ZSCAN18: variants seen among roughly 807,000 people sequenced by gnomAD.
ZSCAN18 encodes zinc finger and SCAN domain containing 18, also known as zinc finger and SCAN domain-containing protein 18.
A neutral mutation model predicts 31.1 loss-of-function variants in ZSCAN18; 16 were observed. That is an observed-to-expected ratio of 0.51 (90% CI 0.35 to 0.78). The LOEUF is 0.78. Ranked by LOEUF, ZSCAN18 falls within the 30% of genes least tolerant of loss-of-function variation. The probability of loss-of-function intolerance (pLI) is 0.01; values close to 1 mark genes in which losing one functional copy is unlikely to be tolerated. For missense variants in ZSCAN18, 731 were observed against 697.4 expected, an observed-to-expected ratio of 1.05 and a Z score of -0.54; for synonymous variants, 375 against 320.7, an observed-to-expected ratio of 1.17 and a Z score of -1.81.
rs1529329 is a variant in ZSCAN18, at chr19:58,088,681, C to T, written c.553+7G>A. The T allele has an allele frequency of 0.24, 386,385 of 1,605,946 alleles. 47,870 individuals carry two copies. The highest frequency in any genetic ancestry group is 0.31 in the South Asian group (28,373 of 90,980). On this transcript the variant is annotated splice_region_variant and intron_variant, in intron 3 of 6. Transcript: ENST00000601144. ...AGCAGAGGCTGCCAGGCTAGCTGGG[C>T]ACTCACGTGTCTCAGAAGGTGCCGG...
chr19:58,084,647 G>A lies in ZSCAN18; in HGVS notation c.*38C>T. 15 of 1,434,922 alleles carry A rather than the reference G, an allele frequency of 1.0e-5. No homozygotes were observed. The highest frequency in any genetic ancestry group is 1.5e-5 in the South Asian group (1 of 67,394). The allele number at this position is 1,434,922 out of a possible 1,614,324, so 88.9% of individuals were successfully genotyped here. A position where few individuals can be genotyped will look rare whatever the true frequency, so the allele number is the denominator to read the frequency against. The stretch of plus-strand genomic sequence containing the variant: ...AATGCCTCGTCTGGGATTCACGGCC[G>A]GCAAAGCGGCCCCTCCGGAACGGGA... On this transcript the variant is annotated 3_prime_UTR_variant, in exon 7 of 7. Coordinates refer to ENST00000601144, the MANE Select transcript of ZSCAN18 (RefSeq NM_001145543.2). The surrounding 1 kb of genome is among the most constrained non-coding windows in gnomAD (Gnocchi z 4.5).
chr19:58,101,500 C>T (rs2074594141), upstream of ZSCAN18, among the ~76,000 whole-genome samples: 1 of 131,378 alleles, frequency 7.6e-6, no homozygotes, highest in Admixed American at 8.9e-5. Context: ...TTGTGCTTTC[C>T]CATATACTTT....
At chr19:58,101,519 CT>C (rs59435037), upstream of ZSCAN18, among the ~76,000 whole-genome samples, 1,258 of 55,410 alleles carry the variant, frequency 0.023, 8 homozygotes, top group African/African-American at 0.057. Context: ...TTATCTTCTT[CT>C]TTTTTTTTTT....
At chr19:58,107,916 T>C in intron 1 of ZSCAN18, 4 of 1,076,022 alleles carry the variant, frequency 3.7e-6, no homozygotes, top group Non-Finnish European at 4.6e-6. Context: ...GCCACACCGA[T>C]TACACTCGTA....
At chr19:58,086,608 T>C (rs2074285852) in intron 5 of ZSCAN18, 1 of 491,928 alleles carries the variant, frequency 2.0e-6, no homozygotes. Flanking sequence ...GATCAGGCCA[T>C]GCAGGTGAGG....
At position 58,089,353 on chromosome 19, in the gene ZSCAN18, T is replaced by A. The variant is rs1367150712; in HGVS notation, c.403+512A>T. On this transcript the variant is annotated intron_variant, in intron 2 of 6. Transcript: ENST00000601144. ...AAAAAAAAAAAGAGGCTGGGCTGGG[T>A]GTGGTGGCTCACAACTGTAATCCCA... Among the ~76,000 whole-genome samples, 4 of 102,482 alleles carry A rather than the reference T, an allele frequency of 3.9e-5. No individual in the cohort carries two copies. In the South Asian group the frequency reaches 1.3e-3, roughly 33 times the overall value. 67.2% of individuals were successfully genotyped at this position (102,482 alleles called of 152,430 possible). A position where few individuals can be genotyped will look rare whatever the true frequency, so the allele number is the denominator to read the frequency against.
chr19:58,096,208 G>A (rs2074517509), intron 1 of ZSCAN18, among the ~76,000 whole-genome samples: 1 of 150,058 alleles, frequency 6.7e-6, no homozygotes, highest in African/African-American at 2.4e-5. Flanking sequence ...GCGACAGAAT[G>A]AGCCCGTGTC....
At chr19:58,118,259 G>T in intron 1 of ZSCAN18, 1 of 1,399,726 alleles carries the variant, frequency 7.1e-7, no homozygotes, top group South Asian at 1.4e-5. Context: ...TGGAGTCCTT[G>T]ACCCCACCCT....
chr19:58,098,416 A>T (rs1229518539), upstream of ZSCAN18: 27 of 978,858 alleles, frequency 2.8e-5, no homozygotes, highest in African/African-American at 3.5e-5. Flanking sequence ...CATTTTGGGC[A>T]CCATGGCAAC....
intron 1 of ZSCAN18, chr19:58,109,452 A>AG: frequency 1.2e-6 from 1 of 860,978 alleles, no homozygotes; most frequent in East Asian, 3.3e-5. Context: ...TCCACTTGCA[A>AG]GGGTACAATC....
chr19:58,092,772 T>A, intron 1 of ZSCAN18: 5 of 170,344 alleles, frequency 2.9e-5, no homozygotes, highest in Non-Finnish European at 5.2e-5. Flanking sequence ...ATACCTCTAC[T>A]TTTTTTTTTT....
chr19:58,111,864 C>G (rs1027488932), intron 1 of ZSCAN18, among the ~76,000 whole-genome samples: 4 of 152,114 alleles, frequency 2.6e-5, no homozygotes, highest in Admixed American at 6.6e-5. Flanking sequence ...ACACCACGAG[C>G]AAGTAGGACT....
At chr19:58,097,014 G>C (rs1427095851) in intron 1 of ZSCAN18, among the ~76,000 whole-genome samples, 1 of 152,118 alleles carries the variant, frequency 6.6e-6, no homozygotes, top group East Asian at 1.9e-4. Flanking sequence ...ATCATGCACA[G>C]AAAACAGCAA....
chr19:58,116,842 T>C (rs1374818593), intron 1 of ZSCAN18, among the ~76,000 whole-genome samples: 1 of 152,208 alleles, frequency 6.6e-6, no homozygotes, highest in Non-Finnish European at 1.5e-5. Context: ...GAGATGCCCG[T>C]ACCAGAGAGT....
chr19:58,085,285 C>A lies in ZSCAN18; in HGVS notation c.933G>T (p.Gly311=). ...CCGACGGGGGATCGGCAAGGGCGTC[C>A]CCAGGGGGCGCCTCCGTAGGCAGCT... The part of the protein sequence containing the change: ...LPELPTEAPP[G]DALADPPSGT... Residue 311 remains glycine, a synonymous_variant, in exon 7 of 7, where the codon GGG becomes GGT. Transcript: ENST00000601144. The A allele has an allele frequency of 6.2e-7, 1 of 1,600,648 alleles. No individual in the cohort carries two copies. The highest frequency in any genetic ancestry group is 8.5e-7 in the Non-Finnish European group (1 of 1,177,852).
intron 5 of ZSCAN18, 21 bp downstream of exon 5, chr19:58,086,885 C>G: frequency 6.2e-7 from 1 of 1,601,988 alleles, no homozygotes; most frequent in Non-Finnish European, 8.5e-7. Context: ...GGGGCGTGAC[C>G]CCGAGGCAGG....
chr19:58,104,305 G>A (rs753119194), intron 1 of ZSCAN18, among the ~76,000 whole-genome samples: 1 of 152,022 alleles, frequency 6.6e-6, no homozygotes, highest in African/African-American at 2.4e-5. Flanking sequence ...CTTGAACCTG[G>A]GAGGCGAAGG....
upstream of ZSCAN18, among the ~76,000 whole-genome samples, chr19:58,101,861 A>G (rs1301050086): frequency 6.6e-6 from 1 of 151,452 alleles, no homozygotes; most frequent in Non-Finnish European, 1.5e-5. Flanking sequence ...CTCACTCCTA[A>G]CCATGCTGCT....
chr19:58,098,295 G>C (rs1201895612), upstream of ZSCAN18: 4 of 985,336 alleles, frequency 4.1e-6, no homozygotes, highest in African/African-American at 7.0e-5. Context: ...AATGCCGCGA[G>C]GCTGTGCCGC....
Sources: gnomAD v4.1 joint callset for allele counts (sites outside exome capture counted in the v4.1 genomes callset) on GRCh38, gnomAD v4.1.1 for gene constraint, Gnocchi (gnomAD v3.1) non-coding constraint, MANE v1.5 for transcripts, NCBI Gene and HGNC (gene_info 2026-07-23, HGNC 2026-07-21) for gene names.